APC: variants seen among roughly 807,000 people sequenced by gnomAD.
APC encodes APC regulator of Wnt signaling pathway.
Under a neutral mutation model 247.0 loss-of-function variants are expected in APC, and 72 were observed. The ratio of observed to expected loss-of-function variants is 0.29; its 90% CI spans 0.24 to 0.35. The LOEUF is 0.35. APC is among the 10% of genes least tolerant of loss of function. The pLI is 1.00. For synonymous variants in APC, 1,254 were observed against 1,162.5 expected (o/e 1.08, Z -1.60); for missense variants, 3,400 against 3,360.7 (o/e 1.01, Z -0.29).
At chr5:112,760,869 G>A (rs1190554183) in intron 2 of APC, among the ~76,000 whole-genome samples, 4 of 151,808 alleles carry the variant, frequency 2.6e-5, no homozygotes, top group Non-Finnish European at 4.4e-5. Context: ...GAGTGCAGTG[G>A]CACAGTCTTG....
chr5:112,815,867 CA>C (rs1220269859), intron 9 of APC, among the ~76,000 whole-genome samples: 1 of 152,144 alleles, frequency 6.6e-6, no homozygotes, highest in Non-Finnish European at 1.5e-5. Flanking sequence ...ACCCAGGAGG[CA>C]GAGGTTGCAG....
intron 13 of APC, among the ~76,000 whole-genome samples, chr5:112,828,585 C>T (rs982876982): frequency 2.0e-5 from 3 of 151,924 alleles, no homozygotes; most frequent in Non-Finnish European, 4.4e-5. Context: ...GCTAGAACTA[C>T]TGCAGGCGCA....
intron 1 of APC, among the ~76,000 whole-genome samples, chr5:112,723,843 G>T (rs1475633090): frequency 1.3e-5 from 2 of 151,912 alleles, no homozygotes; most frequent in Non-Finnish European, 1.5e-5. Flanking sequence ...TACCATTACT[G>T]CCCCCACTGC....
intron 2 of APC, among the ~76,000 whole-genome samples, chr5:112,761,974 T>C (rs539849069): frequency 1.6e-4 from 25 of 152,166 alleles, no homozygotes; most frequent in Admixed American, 3.9e-4. Flanking sequence ...ATATTTGCAA[T>C]ACATATATCT....
intron 7 of APC, among the ~76,000 whole-genome samples, chr5:112,794,236 A>G (rs893603726): frequency 1.3e-5 from 2 of 151,928 alleles, no homozygotes; most frequent in African/African-American, 4.8e-5. Context: ...ATGTGCCACC[A>G]TGCCTGACTA....
rs12518091 is a variant in APC, at chr5:112,750,468, T to A, written c.-18-4405T>A. Among the ~76,000 whole-genome samples, 60,550 of 151,466 alleles carry A rather than the reference T, an allele frequency of 0.4. 14,609 individuals are homozygous for A. Among genetic ancestry groups the A allele is most frequent in the East Asian group, 0.67 (3,427 of 5,132 alleles). On this transcript the variant is annotated intron_variant, in intron 1 of 15. Coordinates refer to ENST00000257430, the MANE Select transcript of APC (RefSeq NM_000038.6). ...GTGATGAGCATTCTTTTTTTTTTTC[T>A]TGGCTTTTGCCTGTTTTTTATGTTT...
chr5:112,805,046 T>G (rs1210136436), intron 8 of APC, among the ~76,000 whole-genome samples: 1 of 152,130 alleles, frequency 6.6e-6, no homozygotes, highest in African/African-American at 2.4e-5. Context: ...TATGATCTCA[T>G]TATACATATG....
chr5:112,733,216 C>A (rs574664822), upstream of APC, among the ~76,000 whole-genome samples: 61 of 152,256 alleles, frequency 4.0e-4, no homozygotes, highest in African/African-American at 1.5e-3. Flanking sequence ...GGAGATAAAG[C>A]TATAGTATGG....
chr5:112,720,297 C>T (rs1751412018), intron 1 of APC, among the ~76,000 whole-genome samples: 2 of 152,188 alleles, frequency 1.3e-5, no homozygotes, highest in South Asian at 4.1e-4. Flanking sequence ...TTACTGTTTA[C>T]TTATTTTTTT....
chr5:112,707,948 G>T, intron 1 of APC: 1 of 1,300,740 alleles, frequency 7.7e-7, no homozygotes, highest in Non-Finnish European at 1.0e-6. Flanking sequence ...CCCCGCCGCT[G>T]CTCGGGACCC....
intron 4 of APC, among the ~76,000 whole-genome samples, chr5:112,770,171 T>TA (rs1262747930): frequency 3.3e-5 from 5 of 152,190 alleles, no homozygotes; most frequent in Non-Finnish European, 7.4e-5. Flanking sequence ...ACCTAACAAA[T>TA]ACAGCTGTAA....
At chr5:112,796,935 T>C (rs1580439775) in intron 7 of APC, among the ~76,000 whole-genome samples, 1 of 152,096 alleles carries the variant, frequency 6.6e-6, no homozygotes, top group Admixed American at 6.5e-5. Context: ...ATTGAATCTT[T>C]TATTTATGTA....
At position 112,815,496 on chromosome 5, in the gene APC, G is replaced by T. The variant is rs587780607; in HGVS notation, c.836G>T (p.Gly279Val). The change falls in exon 9 of 16, where the codon GGT (glycine) becomes GTT (valine). Residue 279 changes from glycine to valine, a missense_variant and splice_region_variant. By Grantham distance (109) the Gly-to-Val change is moderately radical. This residue lies in a region of APC where 372 missense variants were observed against 367.6 expected (regional missense o/e 1.01). Coordinates refer to ENST00000257430, the MANE Select transcript of APC (RefSeq NM_000038.6). ...ATCTATAATGTGCTTAATTTTTAGG[G>T]TTCAACTACACGAATGGACCATGAA... Reference protein sequence around the residue: ...INMATSGNGQGSTTRMDHETA... With the variant: ...INMATSGNGQVSTTRMDHETA... 6.2e-6 allele frequency: 10 copies of T among 1,609,964 alleles called. No homozygotes were observed. The highest frequency in any genetic ancestry group is 8.5e-6 in the Non-Finnish European group (10 of 1,177,158).
At chr5:112,720,076 G>T (rs1300412048) in intron 1 of APC, among the ~76,000 whole-genome samples, 1 of 152,136 alleles carries the variant, frequency 6.6e-6, no homozygotes, top group East Asian at 1.9e-4. Flanking sequence ...ACTAAGCTAT[G>T]GTAGTCTACA....
chr5:112,814,794 A>G (rs1419811926), intron 8 of APC, among the ~76,000 whole-genome samples: 2 of 152,122 alleles, frequency 1.3e-5, no homozygotes, highest in African/African-American at 4.8e-5. Context: ...ATCTCTAACC[A>G]TACACCTTGT....
At chr5:112,795,169 G>T (rs984090040) in intron 7 of APC, among the ~76,000 whole-genome samples, 1 of 152,130 alleles carries the variant, frequency 6.6e-6, no homozygotes, top group Non-Finnish European at 1.5e-5. Context: ...TGGGATTGTA[G>T]GTGTCTGCCA....
rs550242704 is a variant in APC at position 112,843,464 on chromosome 5, A to G, written c.7870A>G (p.Asn2624Asp). The change falls in exon 16 of 16, where the codon AAT becomes GAT. Residue 2624 changes from asparagine (N) to aspartate (D), a missense_variant. Coordinates refer to ENST00000257430, the MANE Select transcript of APC (RefSeq NM_000038.6). The surrounding 1 kb of genome is among the most constrained non-coding windows in gnomAD (Gnocchi z 4.8). ...KIKENEFSPT[N>D]STSQTVSSGA... ...AAAAGAAAATGAATTTTCTCCCACA[A>G]ATAGTACTTCTCAGACCGTTTCCTC... 1 of 1,613,952 alleles carries G rather than the reference A, an allele frequency of 6.2e-7. No individual in the cohort carries two copies. The highest frequency in any genetic ancestry group is 8.5e-7 in the Non-Finnish European group (1 of 1,179,846).
intron 8 of APC, among the ~76,000 whole-genome samples, chr5:112,807,340 A>C (rs1761524024): frequency 6.6e-6 from 1 of 152,104 alleles, no homozygotes; most frequent in Non-Finnish European, 1.5e-5. Flanking sequence ...TTAAGAAATT[A>C]GTTTTTCCAG....
Position 112,707,733 on chromosome 5 carries a change from G to A in APC, c.16G>A (p.Gly6Ser), listed in dbSNP as rs1043505718. The change falls in exon 1 of 14, where the codon GGC becomes AGC. Residue 6 changes from glycine (G) to serine (S), a missense_variant. Transcript: ENST00000507379. ...GGCGCCCCCTATGTACGCCTCCCTG[G>A]GCTCGGGTCCGGTCGCCCCTTTGCC... 94 of 1,370,660 alleles carry A rather than the reference G, an allele frequency of 6.9e-5. No individual in the cohort carries two copies. In the African/African-American group the frequency reaches 1.2e-3, roughly 18 times the overall value. 84.9% of individuals were successfully genotyped at this position (1,370,660 alleles called of 1,614,324 possible).
Sources: gnomAD v4.1 joint callset for allele counts (sites outside exome capture counted in the v4.1 genomes callset) on GRCh38, gnomAD v4.1.1 for gene constraint, gnomAD v4.1.1 regional missense constraint, Gnocchi (gnomAD v3.1) non-coding constraint, MANE v1.5 for transcripts, NCBI Gene and HGNC (gene_info 2026-07-23, HGNC 2026-07-21) for gene names.